The following YWHAQ variants were observed in gnomAD, a reference collection of about 807,000 sequenced individuals.
YWHAQ encodes 14-3-3 protein theta.
In YWHAQ, 6 loss-of-function variants were observed where a neutral mutation model predicts 28.3. The observed-to-expected ratio is 0.21, with a 90% confidence interval of 0.12 to 0.42. The LOEUF is 0.42. YWHAQ is among the 10% of genes least tolerant of loss of function. The pLI, the probability that YWHAQ is intolerant of heterozygous loss-of-function variation, is 1.00. For missense variants in YWHAQ, 201 were observed against 305.6 expected (o/e 0.66, Z 2.55); for synonymous variants, 143 against 119.1 (o/e 1.20, Z -1.31).
At chr2:9,592,502 G>A (rs931338399) in intron 2 of YWHAQ, among the ~76,000 whole-genome samples, 1 of 152,162 alleles carries the variant, frequency 6.6e-6, no homozygotes, top group African/African-American at 2.4e-5. Context: ...AAGGCGGGCA[G>A]ATAACAAGGT....
chr2:9,597,269 T>C (rs902499965), intron 2 of YWHAQ, among the ~76,000 whole-genome samples: 1 of 152,182 alleles, frequency 6.6e-6, no homozygotes, highest in Non-Finnish European at 1.5e-5. Context: ...ATAACATCAA[T>C]TCATCTATGG....
intron 2 of YWHAQ, among the ~76,000 whole-genome samples, chr2:9,627,334 C>T (rs1667267337): frequency 6.6e-6 from 1 of 152,330 alleles, no homozygotes; most frequent in South Asian, 2.1e-4. Flanking sequence ...CTCACCTCCT[C>T]CACACCAAAT....
intron 2 of YWHAQ, among the ~76,000 whole-genome samples, chr2:9,606,424 A>C (rs550974384): frequency 2.6e-5 from 4 of 152,288 alleles, no homozygotes; most frequent in Admixed American, 2.6e-4. Flanking sequence ...TAAAAATAAA[A>C]ATAAAAATAA....
intron 4 of YWHAQ, 80 bp downstream of exon 4, chr2:9,588,085 G>GTAAAA (rs1666382260): frequency 5.5e-6 from 8 of 1,448,668 alleles, no homozygotes; most frequent in Non-Finnish European, 6.4e-6. Flanking sequence ...GGGTATCCAA[G>GTAAAA]TAAAATACCT....
chr2:9,596,155 G>T (rs1450965158), intron 2 of YWHAQ, among the ~76,000 whole-genome samples: 1 of 151,996 alleles, frequency 6.6e-6, no homozygotes, highest in African/African-American at 2.4e-5. Flanking sequence ...TATAAGAAAT[G>T]AAACTGTTGA....
chr2:9,602,868 T>A lies in YWHAQ; in HGVS notation c.295-11353A>T, dbSNP rs1180635448. Among the ~76,000 whole-genome samples, 36 of 12,306 alleles carry A rather than the reference T, an allele frequency of 2.9e-3. 1 individual carries two copies. The highest frequency in any genetic ancestry group is 4.0e-3 in the Non-Finnish European group (22 of 5,516). The allele number at this position is 12,306 out of a possible 152,430, so 8.1% of individuals were successfully genotyped here. A position where few individuals can be genotyped will look rare whatever the true frequency, so the allele number is the denominator to read the frequency against. ...AAAAAAAAAAAAAAAAAAAAATATA[T>A]ATATATATATATATATATATATATA... On this transcript the variant is annotated intron_variant, in intron 2 of 5. Transcript: ENST00000238081.
intron 5 of YWHAQ, among the ~76,000 whole-genome samples, chr2:9,586,317 T>C (rs959496210): frequency 2.0e-5 from 3 of 152,238 alleles, no homozygotes; most frequent in African/African-American, 7.2e-5. Context: ...CAGTATTTAT[T>C]GACTATAATT....
intron 2 of YWHAQ, among the ~76,000 whole-genome samples, chr2:9,593,905 A>AATATATAT (rs199757991): frequency 3.9e-5 from 5 of 127,642 alleles, no homozygotes; most frequent in African/African-American, 1.2e-4. Context: ...GATTAAAAAA[A>AATATATAT]ATATATATAT....
chr2:9,629,284 A>T (rs889087905), intron 2 of YWHAQ, among the ~76,000 whole-genome samples: 9 of 152,214 alleles, frequency 5.9e-5, no homozygotes, highest in South Asian at 2.1e-4. Context: ...GCACTGAAAC[A>T]TTTAAAAACA....
rs1666383808 is a variant in YWHAQ, at chr2:9,588,133, TA to T, written c.582+31del. Reference sequence around the variant, plus strand: ...ACCTGGTATCTCAAATAACTGTAGCTAAAGTACGTATTTCCTGGACACACAT... The same window carrying T: ...ACCTGGTATCTCAAATAACTGTAGCTAAGTACGTATTTCCTGGACACACAT... On this transcript the variant is annotated intron_variant, in intron 4 of 5. Transcript: ENST00000238081. The T allele has an allele frequency of 2.0e-6, 3 of 1,504,018 alleles. No homozygotes were observed. The Admixed American group carries it at 7.8e-5, about 39-fold the overall frequency. 93.2% of individuals were successfully genotyped at this position (1,504,018 alleles called of 1,614,324 possible).
At chr2:9,613,812 T>TA (rs937639448) in intron 2 of YWHAQ, among the ~76,000 whole-genome samples, 2 of 151,938 alleles carry the variant, frequency 1.3e-5, no homozygotes, top group Non-Finnish European at 2.9e-5. Flanking sequence ...ATTAACCACG[T>TA]AAAAAAAATA....
At chr2:9,605,749 G>T (rs1319059541) in intron 2 of YWHAQ, among the ~76,000 whole-genome samples, 5 of 151,002 alleles carry the variant, frequency 3.3e-5, no homozygotes, top group African/African-American at 1.2e-4. Context: ...TTTTGGTAGA[G>T]GGGGGTTTTC....
At chr2:9,612,631 G>A (rs1171321083) in intron 2 of YWHAQ, among the ~76,000 whole-genome samples, 1 of 152,144 alleles carries the variant, frequency 6.6e-6, no homozygotes, top group African/African-American at 2.4e-5. Flanking sequence ...ACAACAAGGT[G>A]CCTCCCAAAA....
At chr2:9,587,264 T>C in intron 5 of YWHAQ, 150 bp downstream of exon 5, 1 of 641,732 alleles carries the variant, frequency 1.6e-6, no homozygotes, top group Non-Finnish European at 2.5e-6. Context: ...AAAACCTGCC[T>C]ACAAAATAAT....
Position 9,591,528 on chromosome 2 carries a change from A to C in YWHAQ, c.295-13T>G. On this transcript the variant is annotated splice_polypyrimidine_tract_variant and intron_variant, in intron 2 of 5. Transcript: ENST00000238081. ...TATCCAACAATTCCTGAAATAAATA[A>C]GACAGAACATTAGGCACTAAACTTC... The C allele has an allele frequency of 1.3e-6, 2 of 1,599,938 alleles. No individual in the cohort carries two copies. The highest frequency in any genetic ancestry group is 1.7e-6 in the Non-Finnish European group (2 of 1,169,452).
At chr2:9,625,709 T>C (rs1425314236) in intron 2 of YWHAQ, among the ~76,000 whole-genome samples, 2 of 152,236 alleles carry the variant, frequency 1.3e-5, no homozygotes, top group Non-Finnish European at 2.9e-5. Context: ...TATAAAGTGC[T>C]TAAAATAGTG....
At chr2:9,593,083 G>C (rs1191466846) in intron 2 of YWHAQ, among the ~76,000 whole-genome samples, 1 of 152,170 alleles carries the variant, frequency 6.6e-6, no homozygotes, top group Non-Finnish European at 1.5e-5. Context: ...CAAGTCTGGA[G>C]AATTAACAAG....
chr2:9,606,888 CTTT>C (rs869191589), intron 2 of YWHAQ, among the ~76,000 whole-genome samples: 2 of 143,766 alleles, frequency 1.4e-5, no homozygotes, highest in Non-Finnish European at 1.5e-5. Context: ...TAATATTTTT[CTTT>C]TTTTTTTTTT....
intron 4 of YWHAQ, among the ~76,000 whole-genome samples, 165 bp from the exon 5 acceptor site, chr2:9,587,674 G>A (rs1248576929): frequency 6.6e-6 from 1 of 152,230 alleles, no homozygotes; most frequent in African/African-American, 2.4e-5. Flanking sequence ...GAACTTATGA[G>A]TATGACTGGA....
Sources: gnomAD v4.1 joint callset for allele counts (sites outside exome capture counted in the v4.1 genomes callset) on GRCh38, gnomAD v4.1.1 for gene constraint, MANE v1.5 for transcripts, NCBI Gene and HGNC (gene_info 2026-07-23, HGNC 2026-07-21) for gene names.